Variants in MYG1 observed in about 807,000 individuals in gnomAD.
MYG1 encodes MYG1 exonuclease.
In MYG1, 36 loss-of-function variants were observed where a neutral mutation model predicts 43.5. That is an observed-to-expected ratio of 0.83 (90% CI 0.63 to 1.09). The LOEUF (loss-of-function observed/expected upper bound fraction) is 1.09. Among genes scored for constraint, MYG1 ranks in the 50% least tolerant of loss-of-function variants. The pLI is 0.00. For synonymous variants in MYG1, 220 were observed against 202.8 expected (o/e 1.08, Z -0.72); for missense variants, 529 against 495.1 (o/e 1.07, Z -0.65).
chr12:53,306,500 C>T (rs952506584), intron 5 of MYG1, 180 bp downstream of exon 5: 15 of 1,068,062 alleles, frequency 1.4e-5, no homozygotes, highest in Non-Finnish European at 1.9e-5. Flanking sequence ...CACACCACCT[C>T]ACCCAGCTAA....
At position 53,299,923 on chromosome 12, in the gene MYG1, C is replaced by G. The variant is rs1194131418; in HGVS notation, c.186C>G (p.Cys62Trp). Residue 62 changes from cysteine (C) to tryptophan (W), a missense_variant, in exon 1 of 7, where the codon TGC (cysteine) becomes TGG (tryptophan). Cys to Trp is a radical substitution (Grantham distance 215). Transcript: ENST00000267103. ...GTFHCDEALA[C>W]ALLRLLPEYR... ...TCCACTGCGACGAGGCACTGGCATG[C>G]GCACTGCTTCGCCTCCTGCCGGAGT... 1 of 1,614,208 alleles carries G rather than the reference C, an allele frequency of 6.2e-7. No homozygotes were observed. The highest frequency in any genetic ancestry group is 1.1e-5 in the South Asian group (1 of 91,086).
chr12:53,302,903 G>T (rs1312587790), intron 2 of MYG1, 131 bp from the exon 3 acceptor site: 1 of 1,149,730 alleles, frequency 8.7e-7, no homozygotes, highest in Non-Finnish European at 1.2e-6. Context: ...CAGTGTCTTG[G>T]TTTTTTATCC....
intron 5 of MYG1, 151 bp downstream of exon 5, chr12:53,306,471 G>A: frequency 8.1e-7 from 1 of 1,229,142 alleles, no homozygotes; most frequent in East Asian, 2.4e-5. Flanking sequence ...AGCCTCCTGA[G>A]TAGCTGGGAC....
At chr12:53,300,092 G>A (rs899849170) in intron 1 of MYG1, 58 bp from the exon 2 acceptor site, 2 of 1,531,782 alleles carry the variant, frequency 1.3e-6, no homozygotes, top group Non-Finnish European at 8.9e-7. Flanking sequence ...CTGAAGTCCA[G>A]CATTAATCCC....
At chr12:53,304,400 C>G (rs1044059072) in intron 3 of MYG1, among the ~76,000 whole-genome samples, 2 of 152,026 alleles carry the variant, frequency 1.3e-5, no homozygotes, top group Admixed American at 1.3e-4. Context: ...ATTCTCCTGC[C>G]TCAGCCTCCC....
chr12:53,305,168 TA>T (rs1411779730), intron 3 of MYG1, among the ~76,000 whole-genome samples: 1 of 152,184 alleles, frequency 6.6e-6, no homozygotes, highest in Non-Finnish European at 1.5e-5. Flanking sequence ...GCGCCCGGCC[TA>T]AACCCATGTT....
chr12:53,306,458 C>T, intron 5 of MYG1, 138 bp downstream of exon 5: 3 of 1,313,772 alleles, frequency 2.3e-6, no homozygotes, highest in Non-Finnish European at 3.1e-6. Context: ...GTCCTCCCAC[C>T]TCAGCCTCCT....
At chr12:53,305,110 C>T (rs1399822590) in intron 3 of MYG1, among the ~76,000 whole-genome samples, 4 of 129,510 alleles carry the variant, frequency 3.1e-5, no homozygotes, top group Admixed American at 8.0e-5. Context: ...CCTCGTGATC[C>T]GCCCGCCTCG....
In MYG1 at chr12:53,306,225, G is replaced by T; in HGVS notation, c.670G>T (p.Val224Phe). The T allele has an allele frequency of 6.2e-7, 1 of 1,614,254 alleles. No homozygotes were observed. The highest frequency in any genetic ancestry group is 8.5e-7 in the Non-Finnish European group (1 of 1,180,052). ...AGGGTTCAAGCGTGCAATGGATCTG[G>T]TTCAAGAGGAGTTTCTGCAGAGATT... ...EAGFKRAMDLVQEEFLQRLDF... is the reference protein window; with the variant it reads ...EAGFKRAMDLFQEEFLQRLDF... Residue 224 changes from valine (V) to phenylalanine (F), a missense_variant, in exon 5 of 7, where the codon GTT (valine) becomes TTT (phenylalanine). Val to Phe is a conservative substitution (Grantham distance 50). Transcript: ENST00000267103.
intron 2 of MYG1, among the ~76,000 whole-genome samples, chr12:53,301,600 G>A (rs1461525200): frequency 6.6e-6 from 1 of 152,170 alleles, no homozygotes; most frequent in Non-Finnish European, 1.5e-5. Context: ...CTGCTCGGCA[G>A]AAGGGCACCA....
At position 53,307,006 on chromosome 12, in the gene MYG1, G is replaced by A. The variant is rs1944290857; in HGVS notation, c.988G>A (p.Ala330Thr). 1.2e-6 allele frequency: 2 copies of A among 1,614,204 alleles called. No individual in the cohort carries two copies. Among genetic ancestry groups the A allele is most frequent in the East Asian group, 4.5e-5 (2 of 44,878 alleles). ...GCCATGGCGGGGTCTTCGGGACGAGGCCCTGGACCAGGTCAGTGGGATCCC... is the reference window on the plus strand; with the variant it reads ...GCCATGGCGGGGTCTTCGGGACGAGACCCTGGACCAGGTCAGTGGGATCCC... ...PEPWRGLRDE[A>T]LDQVSGIPGC... Residue 330 changes from alanine to threonine, a missense_variant, in exon 7 of 7, where the codon GCC (alanine) becomes ACC (threonine). Ala to Thr is a moderately conservative substitution (Grantham distance 58). Transcript: ENST00000267103.
rs758499072 is a variant in MYG1, at chr12:53,306,687, C to T, written c.773C>T (p.Pro258Leu). ...EALAQRFQVDPSGEIVELAKG... is the reference protein window; with the variant it reads ...EALAQRFQVDLSGEIVELAKG... Reference sequence around the variant, plus strand: ...ATGCTCTCCCTCTTTCAGGTGGACCCAAGTGGAGAGATTGTGGAACTGGCG... The same window carrying T: ...ATGCTCTCCCTCTTTCAGGTGGACCTAAGTGGAGAGATTGTGGAACTGGCG... Residue 258 changes from proline (P) to leucine (L), a missense_variant, in exon 6 of 7, where the codon CCA (proline) becomes CTA (leucine). Physicochemically the swap from Pro to Leu is moderately conservative, Grantham distance 98 (BLOSUM62 -3). Coordinates refer to ENST00000267103, the MANE Select transcript of MYG1 (RefSeq NM_021640.4). The T allele has an allele frequency of 6.2e-7, 1 of 1,612,938 alleles. No homozygotes were observed. The highest frequency in any genetic ancestry group is 1.1e-5 in the South Asian group (1 of 90,906).
Position 53,305,919 on chromosome 12 carries a change from C to T in MYG1, c.501C>T (p.Asn167=). 1 of 1,603,496 alleles carries T rather than the reference C, an allele frequency of 6.2e-7. No homozygotes were observed. Among genetic ancestry groups the T allele is most frequent in the Non-Finnish European group, 8.5e-7 (1 of 1,175,866 alleles). The change falls in exon 4 of 7, where the codon AAC becomes AAT. Residue 167 remains asparagine (N), a synonymous_variant. Transcript: ENST00000267103. ...TGCTGCTGCCTTAGATGTATGAGAA[C>T]TTTGTGGAGGAGGTGGATGCTGTGG... ...VGTLYDKMYE[N]FVEEVDAVDN... is the part of the protein sequence containing the mutation.
chr12:53,299,919 C>T lies in MYG1; in HGVS notation c.182C>T (p.Ala61Val). ...NGTFHCDEAL[A>V]CALLRLLPEY... ...ACCTTCCACTGCGACGAGGCACTGG[C>T]ATGCGCACTGCTTCGCCTCCTGCCG... Residue 61 changes from alanine to valine, a missense_variant, in exon 1 of 7, where the codon GCA becomes GTA. Ala to Val is a moderately conservative substitution (Grantham distance 64). Transcript: ENST00000267103. 1 of 1,614,222 alleles carries T rather than the reference C, an allele frequency of 6.2e-7. No homozygotes were observed.
At chr12:53,303,746 G>A (rs558186029) in intron 3 of MYG1, 236 of 153,786 alleles carry the variant, frequency 1.5e-3, no homozygotes, top group Non-Finnish European at 2.1e-3. Context: ...AAGTCAGGTC[G>A]CACAGTACTG....
intron 3 of MYG1, among the ~76,000 whole-genome samples, chr12:53,304,133 G>A (rs561911569): frequency 5.9e-5 from 9 of 151,686 alleles, no homozygotes; most frequent in Admixed American, 3.3e-4. Flanking sequence ...CTGAGCCACT[G>A]CACCCGGCCC....
At chr12:53,303,602 C>T (rs1410053803) in intron 3 of MYG1, 1 of 158,648 alleles carries the variant, frequency 6.3e-6, no homozygotes, top group African/African-American at 2.4e-5. Context: ...CACTGTAGTT[C>T]ACTAGTGGCA....
rs375982136 is a variant in MYG1, at chr12:53,306,825, A to G, written c.911A>G (p.Gln304Arg). The change falls in exon 6 of 7, where the codon CAG (glutamine) becomes CGG (arginine). Residue 304 changes from glutamine (Q) to arginine (R), a missense_variant. Gln to Arg is a conservative substitution (Grantham distance 43). Transcript: ENST00000267103. Reference protein sequence around the residue: ...YTDQAGQWRIQCVPKEPHSFQ... With the variant: ...YTDQAGQWRIRCVPKEPHSFQ... ...GACCAGGCTGGACAGTGGCGAATAC[A>G]GTGTGTGCCCAAGGAGCCCCACTCA... 17 of 1,613,960 alleles carry G rather than the reference A, an allele frequency of 1.1e-5. No homozygotes were observed. Among genetic ancestry groups the G allele is most frequent in the African/African-American group, 5.3e-5 (4 of 74,940 alleles).
chr12:53,300,532 C>T (rs1279357777), intron 2 of MYG1, among the ~76,000 whole-genome samples: 2 of 152,212 alleles, frequency 1.3e-5, no homozygotes, highest in Non-Finnish European at 2.9e-5. Context: ...TCAGCAACTT[C>T]ATCACCCCAA....
Sources: gnomAD v4.1 joint callset for allele counts (sites outside exome capture counted in the v4.1 genomes callset) on GRCh38, gnomAD v4.1.1 for gene constraint, MANE v1.5 for transcripts, NCBI Gene and HGNC (gene_info 2026-07-23, HGNC 2026-07-21) for gene names.